Variants in RSPO2 observed in about 807,000 individuals in gnomAD.
RSPO2 encodes R-spondin-2.
Under a neutral mutation model 30.9 loss-of-function variants are expected in RSPO2, and 14 were observed. That is an observed-to-expected ratio of 0.45 (90% confidence interval 0.30 to 0.71). RSPO2 has a LOEUF of 0.71. Among genes scored for constraint, RSPO2 ranks in the 30% least tolerant of loss-of-function variants. The probability of loss-of-function intolerance (pLI) is 0.08; values close to 1 mark genes in which losing one functional copy is unlikely to be tolerated. For missense variants in RSPO2, 264 were observed against 301.9 expected (o/e 0.87, Z 0.93); for synonymous variants, 107 against 96.4 (o/e 1.11, Z -0.64).
chr8:108,014,422 T>C (rs1447071916), intron 2 of RSPO2, among the ~76,000 whole-genome samples: 1 of 152,132 alleles, frequency 6.6e-6, no homozygotes, highest in Non-Finnish European at 1.5e-5. Context: ...CTGTTCACAA[T>C]AGCAAAGACT....
At chr8:108,066,456 T>A (rs1812669921) in intron 2 of RSPO2, among the ~76,000 whole-genome samples, 1 of 152,178 alleles carries the variant, frequency 6.6e-6, no homozygotes, top group African/African-American at 2.4e-5. Flanking sequence ...AAGTCTTTTT[T>A]TTTTAATGTC....
chr8:108,046,367 C>T lies in RSPO2; in HGVS notation c.94+36178G>A, dbSNP rs1811909295. The stretch of plus-strand genomic sequence containing the variant: ...TTCTCACACCACATACACCATGAAA[C>T]ATTTAACAAGTACTTCTTTTAGACT... On this transcript the variant is annotated intron_variant, in intron 2 of 5. Transcript: ENST00000276659. Among the ~76,000 whole-genome samples, 2 of 152,018 alleles carry T rather than the reference C, an allele frequency of 1.3e-5. 1 individual carries two copies. Among genetic ancestry groups the T allele is most frequent in the South Asian group, 4.2e-4 (2 of 4,816 alleles).
chr8:108,032,187 T>C lies in RSPO2; in HGVS notation c.95-42943A>G, dbSNP rs897923125. 2.6e-5 allele frequency among the ~76,000 whole-genome samples: 4 copies of C among 152,072 alleles called. No individual in the cohort carries two copies. The South Asian group carries it at 8.3e-4, about 32-fold the overall frequency. On this transcript the variant is annotated intron_variant, in intron 2 of 5. Coordinates refer to ENST00000276659, the MANE Select transcript of RSPO2 (RefSeq NM_178565.5). ...AAGAAAAATAATAGGAAAACAAGAA[T>C]AGAAAAGGAAAGCAGAGAAGAGGAA...
intron 2 of RSPO2, among the ~76,000 whole-genome samples, chr8:108,054,667 C>A (rs1055431347): frequency 6.6e-6 from 1 of 152,110 alleles, no homozygotes; most frequent in East Asian, 1.9e-4. Context: ...TACAACAGAG[C>A]AGAGCTAGAT....
At chr8:107,975,348 A>C (rs1181428848) in intron 3 of RSPO2, among the ~76,000 whole-genome samples, 1 of 152,226 alleles carries the variant, frequency 6.6e-6, no homozygotes, top group African/African-American at 2.4e-5. Flanking sequence ...ATTCCAGGAA[A>C]CTTACAGTTC....
At chr8:108,064,564 C>T (rs1165425528) in intron 2 of RSPO2, among the ~76,000 whole-genome samples, 1 of 152,188 alleles carries the variant, frequency 6.6e-6, no homozygotes, top group Non-Finnish European at 1.5e-5. Flanking sequence ...AACACTTATA[C>T]ACTGTTGGTG....
At chr8:107,925,376 T>G (rs1812327608) in intron 5 of RSPO2, among the ~76,000 whole-genome samples, 1 of 117,852 alleles carries the variant, frequency 8.5e-6, no homozygotes, top group Non-Finnish European at 2.1e-5. Context: ...ACAAAGGATT[T>G]GTGTTTTTTT....
At chr8:107,969,956 G>A (rs905046880) in intron 3 of RSPO2, among the ~76,000 whole-genome samples, 1 of 152,086 alleles carries the variant, frequency 6.6e-6, no homozygotes, top group Non-Finnish European at 1.5e-5. Flanking sequence ...GGAAAATGCA[G>A]ATCTCTCCAC....
At chr8:107,949,216 C>A (rs572191172) in intron 5 of RSPO2, among the ~76,000 whole-genome samples, 3 of 152,168 alleles carry the variant, frequency 2.0e-5, no homozygotes, top group Admixed American at 1.3e-4. Context: ...CTTTGTGTCC[C>A]CAGAGCTTAG....
chr8:108,076,811 A>G (rs1813028559), intron 2 of RSPO2, among the ~76,000 whole-genome samples: 2 of 152,350 alleles, frequency 1.3e-5, no homozygotes, highest in African/African-American at 4.8e-5. Flanking sequence ...GACTTTATGT[A>G]GAAATGACAG....
At chr8:107,925,659 G>GT (rs1563523437) in intron 5 of RSPO2, among the ~76,000 whole-genome samples, 2 of 151,896 alleles carry the variant, frequency 1.3e-5, no homozygotes, top group South Asian at 2.1e-4. Flanking sequence ...GTGGTGTTTG[G>GT]TTTTTTGTCC....
intron 2 of RSPO2, among the ~76,000 whole-genome samples, chr8:108,020,398 A>AATAAAATC (rs1183971669): frequency 6.6e-6 from 1 of 152,174 alleles, no homozygotes; most frequent in Non-Finnish European, 1.5e-5. Flanking sequence ...TAAAAAATTA[A>AATAAAATC]ATAAAATCCT....
intron 5 of RSPO2, among the ~76,000 whole-genome samples, chr8:107,947,698 T>G (rs1813110707): frequency 6.6e-6 from 1 of 152,186 alleles, no homozygotes; most frequent in Admixed American, 6.5e-5. Context: ...GCAACACCAT[T>G]TCAGTCACTT....
intron 5 of RSPO2, among the ~76,000 whole-genome samples, chr8:107,926,833 G>T (rs1369466646): frequency 1.3e-5 from 2 of 152,170 alleles, no homozygotes; most frequent in African/African-American, 2.4e-5. Context: ...GTAGCATGAT[G>T]CCTCCAGCTT....
At chr8:107,988,722 G>A (rs1814738047) in intron 3 of RSPO2, among the ~76,000 whole-genome samples, 1 of 152,034 alleles carries the variant, frequency 6.6e-6, no homozygotes, top group Non-Finnish European at 1.5e-5. Flanking sequence ...CCGCCTCCCA[G>A]GTTCAAGTGA....
chr8:108,036,189 G>T (rs1000649379), intron 2 of RSPO2, among the ~76,000 whole-genome samples: 4 of 152,120 alleles, frequency 2.6e-5, no homozygotes, highest in Non-Finnish European at 4.4e-5. Context: ...CCCCACTTCA[G>T]GCTGACCCTC....
rs1811393465 is a variant in RSPO2 at position 107,900,034 on chromosome 8, ATTGC to A, written c.*1037_*1040del. On this transcript the variant is annotated 3_prime_UTR_variant, in exon 6 of 6. Coordinates refer to ENST00000276659, the MANE Select transcript of RSPO2 (RefSeq NM_178565.5). ...ATTGCTTTAAATTTGGGGGAAAAAA[ATTGC>A]AGTCAGAAATAATGTTTGTTTGGAC... The A allele has an allele frequency of 6.6e-6, 1 of 152,082 alleles. No homozygotes were observed. The highest frequency in any genetic ancestry group is 2.4e-5 in the African/African-American group (1 of 41,388). The allele number at this position is 152,082 out of a possible 1,614,324, so 9.4% of individuals were successfully genotyped here. A position where few individuals can be genotyped will look rare whatever the true frequency, so the allele number is the denominator to read the frequency against.
chr8:107,936,569 A>T (rs1459468601), intron 5 of RSPO2, among the ~76,000 whole-genome samples: 2 of 152,188 alleles, frequency 1.3e-5, no homozygotes, highest in African/African-American at 4.8e-5. Context: ...ATTAATTTAC[A>T]TTTCCACCAA....
chr8:107,926,743 C>T (rs1046258184), intron 5 of RSPO2, among the ~76,000 whole-genome samples: 2 of 152,068 alleles, frequency 1.3e-5, no homozygotes, highest in Admixed American at 6.6e-5. Context: ...CTGTTCTGTT[C>T]CATTGGTCAA....
Sources: allele counts gnomAD v4.1 joint callset (sites outside exome capture counted in the v4.1 genomes callset), GRCh38; gene constraint gnomAD v4.1.1; transcripts MANE v1.5; gene names NCBI Gene and HGNC (gene_info 2026-07-23, HGNC 2026-07-21).